The following BUD13 variants were observed in gnomAD, a reference collection of about 807,000 sequenced individuals.
The protein encoded by BUD13 is BUD13 homolog.
Under a neutral mutation model 62.5 loss-of-function variants are expected in BUD13, and 47 were observed. The observed-to-expected ratio is 0.75, with a 90% CI of 0.60 to 0.96. BUD13 has a LOEUF of 0.96. BUD13 is among the 40% of genes least tolerant of loss of function. The pLI is 0.00. For missense variants in BUD13, 821 were observed against 790.9 expected (o/e 1.04, Z -0.46); for synonymous variants, 293 against 280.1 (o/e 1.05, Z -0.46).
At chr11:116,769,033 A>G (rs1940580015) in intron 2 of BUD13, among the ~76,000 whole-genome samples, 2 of 146,820 alleles carry the variant, frequency 1.4e-5, no homozygotes, top group Non-Finnish European at 3.0e-5. Flanking sequence ...AAAAAAAAAA[A>G]GAATTTTGCT....
Position 116,757,142 on chromosome 11 carries a change from T to A in BUD13, c.1766+4A>T. The A allele has an allele frequency of 1.2e-6, 2 of 1,613,856 alleles. No individual in the cohort carries two copies. The highest frequency in any genetic ancestry group is 1.7e-6 in the Non-Finnish European group (2 of 1,179,740). ...TAGAAAATGTAAGAAATACCCAGGCTTACCTGTCCACTCCGTCCCAGCGAT... is the reference window on the plus strand; with the variant it reads ...TAGAAAATGTAAGAAATACCCAGGCATACCTGTCCACTCCGTCCCAGCGAT... On this transcript the variant is annotated splice_donor_region_variant and intron_variant, in intron 9 of 9. Coordinates refer to ENST00000260210, the MANE Select transcript of BUD13 (RefSeq NM_032725.4).
Position 116,757,940 on chromosome 11 carries a change from T to C in BUD13, c.1510A>G (p.Ser504Gly). ...TCCACATTTTGTTGCTGTTGCCGGC[T>C]CTGGGCAAGCCTGGGCAAAAAGGAA... ...YAQWGKGLAQ[S>G]RQQQQNVEDA... The change falls in exon 8 of 10, where the codon AGC (serine) becomes GGC (glycine). Residue 504 changes from serine to glycine, a missense_variant. Coordinates refer to ENST00000260210, the MANE Select transcript of BUD13 (RefSeq NM_032725.4). 1 of 1,613,888 alleles carries C rather than the reference T, an allele frequency of 6.2e-7. No homozygotes were observed. Among genetic ancestry groups the C allele is most frequent in the Non-Finnish European group, 8.5e-7 (1 of 1,180,006 alleles).
chr11:116,770,942 T>C (rs1326105103), intron 1 of BUD13, among the ~76,000 whole-genome samples: 1 of 152,066 alleles, frequency 6.6e-6, no homozygotes, highest in Non-Finnish European at 1.5e-5. Flanking sequence ...TACAGGCATG[T>C]GCCACTGTGC....
At chr11:116,759,037 T>G in intron 6 of BUD13, 37 bp downstream of exon 6, 1 of 1,446,618 alleles carries the variant, frequency 6.9e-7, no homozygotes, top group Non-Finnish European at 9.6e-7. Flanking sequence ...AAAAACAGTA[T>G]GAGCCTAAAT....
At chr11:116,757,360 A>T (rs1010859001) in intron 8 of BUD13, 133 bp from the exon 9 acceptor site, 15 of 771,500 alleles carry the variant, frequency 1.9e-5, no homozygotes, top group South Asian at 8.7e-5. Flanking sequence ...CAGTGGCACG[A>T]TCTCAGCTCA....
chr11:116,766,343 C>T (rs186968971), intron 2 of BUD13, among the ~76,000 whole-genome samples: 13 of 152,348 alleles, frequency 8.5e-5, no homozygotes, highest in African/African-American at 2.4e-4. Context: ...CAAACTGATT[C>T]GGAGAAGTTC....
chr11:116,765,320 C>T (rs188122251), intron 3 of BUD13, 42 bp downstream of exon 3: 10 of 1,587,590 alleles, frequency 6.3e-6, no homozygotes, highest in Admixed American at 5.0e-5. Flanking sequence ...AAAGATCTCC[C>T]CTACTAATGG....
At position 116,748,395 on chromosome 11, in the gene BUD13, T is replaced by C. The variant is rs2134168189; in HGVS notation, c.*87A>G. On this transcript the variant is annotated 3_prime_UTR_variant, in exon 10 of 10. Transcript: ENST00000260210. Reference sequence around the variant, plus strand: ...AGTTGCTGGTCTGTGTGGGCTCCAATTATTAGCACAGACAACTGTTACCAC... The same window carrying C: ...AGTTGCTGGTCTGTGTGGGCTCCAACTATTAGCACAGACAACTGTTACCAC... 1 of 1,224,174 alleles carries C rather than the reference T, an allele frequency of 8.2e-7. No homozygotes were observed. Among genetic ancestry groups the C allele is most frequent in the East Asian group, 2.3e-5 (1 of 42,776 alleles). The allele number at this position is 1,224,174 out of a possible 1,614,324, so 75.8% of individuals were successfully genotyped here.
intron 6 of BUD13, 73 bp from the exon 7 acceptor site, chr11:116,758,480 C>T: frequency 6.6e-7 from 1 of 1,521,552 alleles, no homozygotes; most frequent in Non-Finnish European, 8.9e-7. Flanking sequence ...AAATCAACCG[C>T]TTGGGATTCT....
At chr11:116,767,864 G>T (rs994599937) in intron 2 of BUD13, among the ~76,000 whole-genome samples, 1 of 151,454 alleles carries the variant, frequency 6.6e-6, no homozygotes, top group Non-Finnish European at 1.5e-5. Context: ...TACCAGCTAC[G>T]TGCAGGACTA....
chr11:116,758,266 T>C lies in BUD13; in HGVS notation c.1499+3A>G. 2 of 1,614,152 alleles carry C rather than the reference T, an allele frequency of 1.2e-6. No individual in the cohort carries two copies. The highest frequency in any genetic ancestry group is 1.7e-6 in the Non-Finnish European group (2 of 1,180,008). On this transcript the variant is annotated splice_donor_region_variant and intron_variant, in intron 7 of 9. Coordinates refer to ENST00000260210, the MANE Select transcript of BUD13 (RefSeq NM_032725.4). ...TTGTTTACCCTTTCAGTGGTTCCCTTACCCTTTTCCCCACTGGGCATACAG... is the reference window on the plus strand; with the variant it reads ...TTGTTTACCCTTTCAGTGGTTCCCTCACCCTTTTCCCCACTGGGCATACAG...
chr11:116,758,504 A>G, intron 6 of BUD13, 97 bp from the exon 7 acceptor site: 1 of 1,395,912 alleles, frequency 7.2e-7, no homozygotes, highest in Non-Finnish European at 9.7e-7. Context: ...GCTAGATAAG[A>G]ACTTCTGCAG....
intron 7 of BUD13, 84 bp downstream of exon 7, chr11:116,758,185 T>G (rs1270495015): frequency 1.3e-6 from 2 of 1,566,330 alleles, no homozygotes; most frequent in African/African-American, 1.4e-5. Context: ...GAAGGCATAA[T>G]AAGAAAGTGA....
intron 1 of BUD13, among the ~76,000 whole-genome samples, chr11:116,771,399 G>C (rs1940626256): frequency 2.6e-5 from 4 of 152,124 alleles, no homozygotes; most frequent in Admixed American, 2.0e-4. Flanking sequence ...ATAAATGTTT[G>C]TTACGTGGAT....
intron 9 of BUD13, among the ~76,000 whole-genome samples, chr11:116,753,745 A>C (rs1940280969): frequency 6.6e-6 from 1 of 152,254 alleles, no homozygotes; most frequent in African/African-American, 2.4e-5. Context: ...AAAATGTCTC[A>C]TAATGAACAG....
rs537334860 is a variant in BUD13 at position 116,763,326 on chromosome 11, C to G, written c.323-60G>C. 463 of 1,445,296 alleles carry G rather than the reference C, an allele frequency of 3.2e-4. 5 individuals carry two copies. In the South Asian group the frequency reaches 5.9e-3, roughly 18 times the overall value. The allele number at this position is 1,445,296 out of a possible 1,614,324, so 89.5% of individuals were successfully genotyped here. On this transcript the variant is annotated intron_variant, in intron 3 of 9. Coordinates refer to ENST00000260210, the MANE Select transcript of BUD13 (RefSeq NM_032725.4). ...AATGCTCTGTCCCTCTGTCCACCCC[C>G]ACACCCAGTTTCAAAAGATGCTCCA...
At chr11:116,767,318 G>A (rs973259847) in intron 2 of BUD13, among the ~76,000 whole-genome samples, 17 of 151,920 alleles carry the variant, frequency 1.1e-4, no homozygotes, top group African/African-American at 3.6e-4. Flanking sequence ...ACTGGGCCAG[G>A]CACGGTGGCT....
Position 116,754,178 on chromosome 11 carries a change from TG to T in BUD13, c.1766+2967del, listed in dbSNP as rs1940286903. On this transcript the variant is annotated intron_variant, in intron 9 of 9. Coordinates refer to ENST00000260210, the MANE Select transcript of BUD13 (RefSeq NM_032725.4). ...CTCCCACCTCAGCCTCCACAGTAGC[TG>T]GGACTATAGGCGTGTGCCACCATGC... Among the ~76,000 whole-genome samples, 2 of 152,216 alleles carry T rather than the reference TG, an allele frequency of 1.3e-5. 1 individual carries two copies. Among genetic ancestry groups the T allele is most frequent in the South Asian group, 4.1e-4 (2 of 4,830 alleles).
intron 9 of BUD13, among the ~76,000 whole-genome samples, chr11:116,751,520 C>T (rs1283399562): frequency 9.9e-5 from 15 of 151,910 alleles, no homozygotes; most frequent in African/African-American, 3.6e-4. Context: ...CCCAGCTACT[C>T]GGGAGGCTGA....
Sources: gnomAD v4.1 joint callset for allele counts (sites outside exome capture counted in the v4.1 genomes callset) on GRCh38, gnomAD v4.1.1 for gene constraint, MANE v1.5 for transcripts, NCBI Gene and HGNC (gene_info 2026-07-23, HGNC 2026-07-21) for gene names.